The following DIP2A variants were observed in gnomAD, a reference collection of about 807,000 sequenced individuals.
DIP2A encodes DIP2 acetate--CoA ligase A, also known as disco-interacting protein 2 homolog A.
Under a neutral mutation model 177.4 loss-of-function variants are expected in DIP2A, and 85 were observed. The ratio of observed to expected loss-of-function variants is 0.48; its 90% CI spans 0.40 to 0.57. DIP2A has a LOEUF of 0.57. Ranked by LOEUF, DIP2A falls within the 20% of genes least tolerant of loss-of-function variation. The probability of loss-of-function intolerance (pLI) is 0.00; values close to 1 mark genes in which losing one functional copy is unlikely to be tolerated. For missense variants in DIP2A, 1,791 were observed against 2,100.2 expected (o/e 0.85, Z 2.88); for synonymous variants, 886 against 881.8 (o/e 1.00, Z -0.08).
chr21:46,504,609 A>T, intron 6 of DIP2A, 120 bp downstream of exon 6: 5 of 1,215,990 alleles, frequency 4.1e-6, no homozygotes, highest in Non-Finnish European at 5.6e-6. Flanking sequence ...GTTTTAATCC[A>T]TGCAGATAAA....
chr21:46,550,843 GC>G, intron 23 of DIP2A, 99 bp downstream of exon 23: 3 of 1,238,420 alleles, frequency 2.4e-6, no homozygotes, highest in Non-Finnish European at 3.4e-6. Flanking sequence ...AGTGCCAACT[GC>G]CCACGTCTTT....
intron 1 of DIP2A, among the ~76,000 whole-genome samples, chr21:46,472,305 T>C (rs1243047516): frequency 5.9e-5 from 9 of 152,230 alleles, no homozygotes; most frequent in Non-Finnish European, 1.0e-4. Flanking sequence ...AGAAAATAAA[T>C]GTCTGTTGTT....
rs2054047406 is a variant in DIP2A at position 46,459,206 on chromosome 21, G to A, written c.75G>A (p.Glu25=). 2.0e-6 allele frequency: 3 copies of A among 1,525,460 alleles called. No individual in the cohort carries two copies. Among genetic ancestry groups the A allele is most frequent in the Non-Finnish European group, 2.6e-6 (3 of 1,137,012 alleles). 94.5% of individuals were successfully genotyped at this position (1,525,460 alleles called of 1,614,324 possible). The part of the protein sequence containing the change: ...AEVRESLAEL[E]LELSEGDITQ... Reference sequence around the variant, plus strand: ...TGCGGGAGAGCCTGGCTGAGCTGGAGCTGGAGCTGTCGGAAGGTGAGCCGG... The same window carrying A: ...TGCGGGAGAGCCTGGCTGAGCTGGAACTGGAGCTGTCGGAAGGTGAGCCGG... The change falls in exon 1 of 38, where the codon GAG becomes GAA. Residue 25 remains glutamate, a synonymous_variant. Coordinates refer to ENST00000417564, the MANE Select transcript of DIP2A (RefSeq NM_015151.4).
At chr21:46,552,101 C>T (rs1286361286) in intron 25 of DIP2A, among the ~76,000 whole-genome samples, 197 bp downstream of exon 25, 1 of 152,188 alleles carries the variant, frequency 6.6e-6, no homozygotes, top group Non-Finnish European at 1.5e-5. Flanking sequence ...TTGTCTGGTG[C>T]GGTTCTCGCT....
the DIP2A span, among the ~76,000 whole-genome samples, chr21:46,582,582 C>G: frequency 1.8e-4 from 27 of 152,166 alleles, no homozygotes; most frequent in African/African-American, 6.3e-4. Flanking sequence ...CCATGGTGCT[C>G]CTGAGTGGTC....
intron 9 of DIP2A, among the ~76,000 whole-genome samples, chr21:46,531,717 A>G (rs2059364144): frequency 6.6e-6 from 1 of 152,224 alleles, no homozygotes; most frequent in Non-Finnish European, 1.5e-5. Flanking sequence ...CTTCCTAACA[A>G]ATTCTGTAAA....
chr21:46,575,363 A>G, the DIP2A span, among the ~76,000 whole-genome samples: 1 of 152,196 alleles, frequency 6.6e-6, no homozygotes, highest in Non-Finnish European at 1.5e-5. Context: ...TGATAAGATC[A>G]GAAACACAGC....
chr21:46,477,332 G>T (rs2055938626), intron 1 of DIP2A, among the ~76,000 whole-genome samples: 1 of 151,670 alleles, frequency 6.6e-6, no homozygotes, highest in Non-Finnish European at 1.5e-5. Context: ...ATCAAGACCA[G>T]CCTGGTCAAC....
Position 46,479,872 on chromosome 21 carries a change from T to C in DIP2A, c.92-4885T>C, listed in dbSNP as rs970981034. ...AATTGCAGTCAGATAGGCTCTACTTTTGTGTATTAGATCTGTATATTTAAG... is the reference window on the plus strand; with the variant it reads ...AATTGCAGTCAGATAGGCTCTACTTCTGTGTATTAGATCTGTATATTTAAG... On this transcript the variant is annotated intron_variant, in intron 1 of 37. Transcript: ENST00000417564. Among the ~76,000 whole-genome samples, 5 of 152,218 alleles carry C rather than the reference T, an allele frequency of 3.3e-5. No individual in the cohort carries two copies. In the East Asian group the frequency reaches 9.6e-4, roughly 29 times the overall value.
Position 46,496,961 on chromosome 21 carries a change from A to G in DIP2A, c.284-27A>G, listed in dbSNP as rs757770299. 2.5e-5 allele frequency: 40 copies of G among 1,581,214 alleles called. No homozygotes were observed. In the East Asian group the frequency reaches 7.2e-4, roughly 29 times the overall value. ...CTTTATAAACAGTCTTGTAAAAAGT[A>G]TTTTTACTGCTGTCCTTCCTGTGTA... On this transcript the variant is annotated intron_variant, in intron 3 of 37. Transcript: ENST00000417564.
chr21:46,568,940 A>G lies in DIP2A; in HGVS notation c.*1318A>G, dbSNP rs962296768. The G allele has an allele frequency of 6.6e-6, 1 of 152,162 alleles. No homozygotes were observed. Among genetic ancestry groups the G allele is most frequent in the Admixed American group, 6.5e-5 (1 of 15,268 alleles). The allele number at this position is 152,162 out of a possible 1,614,324, so 9.4% of individuals were successfully genotyped here. On this transcript the variant is annotated 3_prime_UTR_variant, in exon 38 of 38. Coordinates refer to ENST00000417564, the MANE Select transcript of DIP2A (RefSeq NM_015151.4). ...GTTGTGTGCCTATAAAATTTGGCCAAACCATTTTATTATTTTGTTCAAACT... is the reference window on the plus strand; with the variant it reads ...GTTGTGTGCCTATAAAATTTGGCCAGACCATTTTATTATTTTGTTCAAACT...
At position 46,537,467 on chromosome 21, in the gene DIP2A, G is replaced by A. The variant is rs763963275; in HGVS notation, c.1729G>A (p.Val577Met). ...ACAGAGCGTCATGAACAGGATGCAC[G>A]TGGTCAGCGTCCCCTACGCGCTGAT... Reference protein sequence around the residue: ...VLTSVMNRMHVVSVPYALMKA... With the variant: ...VLTSVMNRMHMVSVPYALMKA... Residue 577 changes from valine to methionine, a missense_variant, in exon 15 of 38, where the codon GTG becomes ATG. Physicochemically the swap from Val to Met is conservative, Grantham distance 21. Transcript: ENST00000417564. This position sits in a 1 kb window ranked among gnomAD's most constrained non-coding sequence, Gnocchi z 4.1. 16 of 1,614,102 alleles carry A rather than the reference G, an allele frequency of 9.9e-6. No individual in the cohort carries two copies. Among genetic ancestry groups the A allele is most frequent in the Admixed American group, 3.3e-5 (2 of 60,010 alleles).
chr21:46,513,813 C>T (rs2058422800), intron 8 of DIP2A, among the ~76,000 whole-genome samples: 1 of 151,902 alleles, frequency 6.6e-6, no homozygotes, highest in Non-Finnish European at 1.5e-5. Flanking sequence ...TGATGCGATG[C>T]TCAACTGGGA....
intron 3 of DIP2A, among the ~76,000 whole-genome samples, chr21:46,496,626 T>A (rs1293982451): frequency 1.3e-5 from 2 of 152,214 alleles, no homozygotes; most frequent in African/African-American, 4.8e-5. Flanking sequence ...GAATTTGTAT[T>A]AGGCTGCATT....
chr21:46,528,869 C>G (rs1028670995), intron 8 of DIP2A, among the ~76,000 whole-genome samples: 10 of 151,714 alleles, frequency 6.6e-5, no homozygotes, highest in Non-Finnish European at 1.3e-4. Context: ...GTAATAAAAT[C>G]CTATTTTATT....
At chr21:46,482,682 CTT>C (rs1440283149) in intron 1 of DIP2A, among the ~76,000 whole-genome samples, 1 of 152,160 alleles carries the variant, frequency 6.6e-6, no homozygotes, top group Non-Finnish European at 1.5e-5. Context: ...CACTACTCAT[CTT>C]TGTTCCTGTG....
chr21:46,551,523 G>A, intron 23 of DIP2A, 111 bp from the exon 24 acceptor site: 1 of 908,106 alleles, frequency 1.1e-6, no homozygotes, highest in African/African-American at 1.7e-5. Flanking sequence ...CAGTAGAAGA[G>A]TTAAATGCCT....
chr21:46,583,857 C>A, the DIP2A span, among the ~76,000 whole-genome samples: 1 of 152,166 alleles, frequency 6.6e-6, no homozygotes, highest in Non-Finnish European at 1.5e-5. Flanking sequence ...AAATAAATTT[C>A]TGTTCATTAT....
intron 8 of DIP2A, among the ~76,000 whole-genome samples, chr21:46,517,339 A>G (rs1477152806): frequency 6.6e-6 from 1 of 151,970 alleles, no homozygotes; most frequent in Non-Finnish European, 1.5e-5. Context: ...TCAGCCTCCC[A>G]AAGTGCTGGA....
Sources: allele counts gnomAD v4.1 joint callset (sites outside exome capture counted in the v4.1 genomes callset), GRCh38; gene constraint gnomAD v4.1.1; non-coding constraint Gnocchi (gnomAD v3.1); transcripts MANE v1.5; gene names NCBI Gene and HGNC (gene_info 2026-07-23, HGNC 2026-07-21).